Variants in CORO2A observed in about 807,000 individuals in gnomAD.
The protein encoded by CORO2A is coronin 2A.
A neutral mutation model predicts 62.4 loss-of-function variants in CORO2A; 47 were observed. That is an observed-to-expected ratio of 0.75 (90% CI 0.60 to 0.96). The LOEUF is 0.96. Among genes scored for constraint, CORO2A ranks in the 40% least tolerant of loss-of-function variants. CORO2A has a pLI of 0.00. For synonymous variants in CORO2A, 273 were observed against 268.9 expected, an observed-to-expected ratio of 1.02 and a Z score of -0.15; for missense variants, 610 against 684.1, an observed-to-expected ratio of 0.89 and a Z score of 1.21.
chr9:98,138,086 AC>A (rs1382972611), intron 2 of CORO2A, among the ~76,000 whole-genome samples: 1 of 152,114 alleles, frequency 6.6e-6, no homozygotes, highest in African/African-American at 2.4e-5. Context: ...TTCCCACATG[AC>A]CCAGCAATTC....
chr9:98,132,149 G>A (rs1168728630), intron 6 of CORO2A, 36 bp downstream of exon 6: 1 of 1,465,154 alleles, frequency 6.8e-7, no homozygotes. Flanking sequence ...GCTCTCAGCT[G>A]AGGGGTGATG....
chr9:98,182,257 C>T (rs538917805), intron 1 of CORO2A, among the ~76,000 whole-genome samples: 1 of 152,280 alleles, frequency 6.6e-6, no homozygotes, highest in South Asian at 2.1e-4. Context: ...TGAAAGATAA[C>T]TTTTTAGGGA....
intron 1 of CORO2A, among the ~76,000 whole-genome samples, chr9:98,163,951 A>G (rs1382796008): frequency 1.3e-5 from 2 of 152,220 alleles, no homozygotes; most frequent in African/African-American, 4.8e-5. Flanking sequence ...CTTTAAGGAA[A>G]GAATGAAATG....
chr9:98,168,457 C>T (rs1364988168), intron 1 of CORO2A, among the ~76,000 whole-genome samples: 2 of 152,184 alleles, frequency 1.3e-5, no homozygotes, highest in Non-Finnish European at 1.5e-5. Flanking sequence ...ACTGTCATAG[C>T]CCCATTTTTA....
chr9:98,129,702 G>T, intron 8 of CORO2A, 92 bp downstream of exon 8: 1 of 938,826 alleles, frequency 1.1e-6, no homozygotes, highest in South Asian at 1.3e-5. Flanking sequence ...TGTCTCCCCA[G>T]ACCCCGCACT....
Position 98,121,521 on chromosome 9 carries a change from A to G in CORO2A, c.*3253T>C, listed in dbSNP as rs1827245290. 6.6e-6 allele frequency: 1 copy of G among 152,224 alleles called. No homozygotes were observed. Among genetic ancestry groups the G allele is most frequent in the African/African-American group, 2.4e-5 (1 of 41,460 alleles). The allele number at this position is 152,224 out of a possible 1,614,324, so 9.4% of individuals were successfully genotyped here. ...AATAATTTATTCTAGATGTAAAAAT[A>G]ATAATACAAAAAAGTTTGTTCAAAG... On this transcript the variant is annotated 3_prime_UTR_variant, in exon 12 of 12. Coordinates refer to ENST00000375077, the MANE Select transcript of CORO2A (RefSeq NM_052820.4).
intron 2 of CORO2A, among the ~76,000 whole-genome samples, chr9:98,153,900 T>G (rs1266652056): frequency 6.6e-6 from 1 of 152,178 alleles, no homozygotes; most frequent in East Asian, 1.9e-4. Flanking sequence ...TGCTGAGTTT[T>G]TCTCATGGCT....
chr9:98,162,004 T>C (rs571382098), intron 1 of CORO2A, among the ~76,000 whole-genome samples: 84 of 152,284 alleles, frequency 5.5e-4, no homozygotes, highest in African/African-American at 2.0e-3. Context: ...GTCACCTCTG[T>C]GGCAATAAGA....
intron 2 of CORO2A, among the ~76,000 whole-genome samples, chr9:98,146,707 G>C (rs2118846760): frequency 6.6e-6 from 1 of 152,288 alleles, no homozygotes; most frequent in African/African-American, 2.4e-5. Context: ...TGAGAGCAAG[G>C]CCCGAGGCCA....
intron 6 of CORO2A, among the ~76,000 whole-genome samples, chr9:98,131,690 A>G (rs1258542498): frequency 6.6e-6 from 1 of 152,186 alleles, no homozygotes; most frequent in African/African-American, 2.4e-5. Flanking sequence ...ATTTATTTTA[A>G]TAGATGAAGA....
At chr9:98,179,790 G>C (rs1438830178) in intron 1 of CORO2A, among the ~76,000 whole-genome samples, 2 of 152,030 alleles carry the variant, frequency 1.3e-5, no homozygotes, top group African/African-American at 4.8e-5. Context: ...AGATCACAAG[G>C]TCAGGAGTTT....
chr9:98,128,526 T>C (rs1827360207), intron 9 of CORO2A, 81 bp downstream of exon 9: 4 of 1,267,754 alleles, frequency 3.2e-6, no homozygotes, highest in Non-Finnish European at 4.6e-6. Flanking sequence ...GGCTCCAGGC[T>C]CTGGTGCCCG....
intron 4 of CORO2A, among the ~76,000 whole-genome samples, 180 bp downstream of exon 4, chr9:98,134,626 A>C (rs1827458507): frequency 6.6e-6 from 1 of 152,160 alleles, no homozygotes; most frequent in African/African-American, 2.4e-5. Context: ...GCCTGGAGCC[A>C]CCAGAAGCTG....
rs185316019 is a variant in CORO2A at position 98,139,012 on chromosome 9, A to G, written c.202-1324T>C. Among the ~76,000 whole-genome samples, 5 of 150,056 alleles carry G rather than the reference A, an allele frequency of 3.3e-5. No homozygotes were observed. The East Asian group carries it at 9.9e-4, about 30-fold the overall frequency. On this transcript the variant is annotated intron_variant, in intron 2 of 11. Coordinates refer to ENST00000375077, the MANE Select transcript of CORO2A (RefSeq NM_052820.4). ...CAGTGAGCCAAGATCATGCCACTGC[A>G]CTACAGCCTGGCGACAGAGCAAGAT...
intron 2 of CORO2A, among the ~76,000 whole-genome samples, chr9:98,149,950 G>C (rs373743222): frequency 4.0e-5 from 6 of 149,512 alleles, no homozygotes; most frequent in South Asian, 2.1e-4. Flanking sequence ...TTTTTTTTGA[G>C]AGAGTCTCGC....
At chr9:98,149,725 C>A (rs929494342) in intron 2 of CORO2A, among the ~76,000 whole-genome samples, 2 of 152,220 alleles carry the variant, frequency 1.3e-5, no homozygotes, top group African/African-American at 4.8e-5. Flanking sequence ...ACCTCCAACA[C>A]TGGGGATCAC....
chr9:98,154,687 A>G (rs1398946807), intron 2 of CORO2A, among the ~76,000 whole-genome samples: 3 of 152,132 alleles, frequency 2.0e-5, no homozygotes, highest in Non-Finnish European at 4.4e-5. Flanking sequence ...ATTTAAGGTT[A>G]ATTAAATGAT....
chr9:98,172,877 TG>T (rs1828057886), intron 1 of CORO2A: 1 of 152,250 alleles, frequency 6.6e-6, no homozygotes, highest in African/African-American at 2.4e-5. Flanking sequence ...CCAGCAAAGA[TG>T]TCAGTGCCCC....
chr9:98,163,222 C>G (rs1827909578), intron 1 of CORO2A, among the ~76,000 whole-genome samples: 1 of 152,208 alleles, frequency 6.6e-6, no homozygotes, highest in African/African-American at 2.4e-5. Flanking sequence ...GAGTCTCGCT[C>G]TGTTGCCCAG....
Sources: gnomAD v4.1 joint callset for allele counts (sites outside exome capture counted in the v4.1 genomes callset) on GRCh38, gnomAD v4.1.1 for gene constraint, MANE v1.5 for transcripts, NCBI Gene and HGNC (gene_info 2026-07-23, HGNC 2026-07-21) for gene names.